LUZP2: variants seen among roughly 807,000 people sequenced by gnomAD.
The protein encoded by LUZP2 is leucine zipper protein 2.
In LUZP2, 52 loss-of-function variants were observed where a neutral mutation model predicts 51.6. The ratio of observed to expected loss-of-function variants is 1.01; its 90% CI spans 0.81 to 1.27. The LOEUF is 1.27. Among genes scored for constraint, LUZP2 ranks in the 50% most tolerant of loss-of-function variants. LUZP2 has a pLI of 0.00. For synonymous variants in LUZP2, 154 were observed against 137.3 expected, an observed-to-expected ratio of 1.12 and a Z score of -0.85; for missense variants, 436 against 395.4, an observed-to-expected ratio of 1.10 and a Z score of -0.87.
At chr11:24,723,419 A>G (rs1413210954) in intron 1 of LUZP2, among the ~76,000 whole-genome samples, 1 of 152,260 alleles carries the variant, frequency 6.6e-6, no homozygotes, top group Admixed American at 6.5e-5. Context: ...CATATGAAAT[A>G]TTCATTGCAG....
At chr11:25,056,698 G>C (rs1172140888) in intron 10 of LUZP2, among the ~76,000 whole-genome samples, 1 of 152,144 alleles carries the variant, frequency 6.6e-6, no homozygotes, top group Non-Finnish European at 1.5e-5. Context: ...TTATGCTCAA[G>C]ATCCATTCCC....
intron 11 of LUZP2, 100 bp from the exon 12 acceptor site, chr11:25,078,454 A>G: frequency 1.2e-6 from 1 of 824,576 alleles, no homozygotes; most frequent in Non-Finnish European, 1.9e-6. Flanking sequence ...ATTTGTTGAG[A>G]TCTTTGAATT....
intron 5 of LUZP2, among the ~76,000 whole-genome samples, chr11:24,857,575 T>TC (rs1232458920): frequency 6.7e-6 from 1 of 149,130 alleles, no homozygotes; most frequent in Non-Finnish European, 1.5e-5. Flanking sequence ...TTTTTTTTTT[T>TC]ATCTTTAGGA....
intron 1 of LUZP2, among the ~76,000 whole-genome samples, chr11:24,712,007 A>C (rs2631441): frequency 0.15 from 22,404 of 152,154 alleles, 3,085 homozygotes; most frequent in African/African-American, 0.35. Flanking sequence ...TGTATTATTT[A>C]ACCTTAGTAT....
chr11:24,894,772 T>C (rs1196910837), intron 5 of LUZP2, among the ~76,000 whole-genome samples: 1 of 152,196 alleles, frequency 6.6e-6, no homozygotes, highest in Non-Finnish European at 1.5e-5. Context: ...AATCTTTCCA[T>C]TTAAAACAAA....
chr11:24,829,138 T>G (rs150082472), intron 5 of LUZP2, among the ~76,000 whole-genome samples: 1 of 152,288 alleles, frequency 6.6e-6, no homozygotes, highest in African/African-American at 2.4e-5. Context: ...AGGAAGCAGA[T>G]AAGCCTGAAT....
intron 1 of LUZP2, among the ~76,000 whole-genome samples, chr11:24,608,931 T>C (rs1417466130): frequency 1.3e-5 from 2 of 152,164 alleles, no homozygotes; most frequent in Non-Finnish European, 2.9e-5. Context: ...TGGGTTTAGA[T>C]ATCTAGTGGT....
intron 1 of LUZP2, among the ~76,000 whole-genome samples, chr11:24,534,659 TAG>T (rs529434492): frequency 7.1e-4 from 107 of 151,500 alleles, no homozygotes; most frequent in African/African-American, 2.6e-3. Flanking sequence ...GTAGTAAAAA[TAG>T]AGATTCCACC....
intron 1 of LUZP2, among the ~76,000 whole-genome samples, chr11:24,704,233 A>C (rs1469900007): frequency 6.6e-6 from 1 of 152,172 alleles, no homozygotes; most frequent in Non-Finnish European, 1.5e-5. Flanking sequence ...TGAAATGGTC[A>C]TTTTTGGACA....
At chr11:24,837,451 A>G (rs1340300402) in intron 5 of LUZP2, among the ~76,000 whole-genome samples, 1 of 151,900 alleles carries the variant, frequency 6.6e-6, no homozygotes, top group East Asian at 1.9e-4. Context: ...TTAACTAAAA[A>G]GATTCAGAAT....
At chr11:24,650,456 C>T (rs898763229) in intron 1 of LUZP2, among the ~76,000 whole-genome samples, 5 of 151,852 alleles carry the variant, frequency 3.3e-5, no homozygotes, top group African/African-American at 1.2e-4. Context: ...ATAAAGTGGG[C>T]AACTATTTTG....
chr11:24,786,592 AT>A (rs1849251548), intron 5 of LUZP2: 1 of 238,758 alleles, frequency 4.2e-6, no homozygotes, highest in Non-Finnish European at 6.4e-6. Flanking sequence ...ATATATTTGC[AT>A]TATATTATAT....
intron 5 of LUZP2, among the ~76,000 whole-genome samples, chr11:24,880,782 G>A (rs1852437948): frequency 6.6e-6 from 1 of 152,006 alleles, no homozygotes; most frequent in Non-Finnish European, 1.5e-5. Flanking sequence ...GTATGTGTGT[G>A]TTTGTGTTTT....
chr11:24,882,940 G>A (rs541725365), intron 5 of LUZP2, among the ~76,000 whole-genome samples: 314 of 144,404 alleles, frequency 2.2e-3, no homozygotes, highest in African/African-American at 7.9e-3. Flanking sequence ...AAGAAAGAAA[G>A]AGAAAGAAAG....
intron 1 of LUZP2, among the ~76,000 whole-genome samples, chr11:24,556,144 C>T (rs1385116215): frequency 6.6e-6 from 1 of 152,136 alleles, no homozygotes; most frequent in Non-Finnish European, 1.5e-5. Flanking sequence ...GTGGCATCAC[C>T]TAAATACTAA....
chr11:24,729,704 A>G (rs1478432732), intron 2 of LUZP2, among the ~76,000 whole-genome samples: 1 of 152,002 alleles, frequency 6.6e-6, no homozygotes, highest in Non-Finnish European at 1.5e-5. Flanking sequence ...TTTAAAAGGC[A>G]AGTGGCATCT....
At chr11:24,977,890 A>ATT (rs921871816) in intron 8 of LUZP2, among the ~76,000 whole-genome samples, 1 of 148,890 alleles carries the variant, frequency 6.7e-6, no homozygotes, top group South Asian at 2.1e-4. Context: ...ATTGTTTTTA[A>ATT]TTTTTTTTTT....
At chr11:24,579,248 A>G (rs572013942) in intron 1 of LUZP2, among the ~76,000 whole-genome samples, 8 of 152,226 alleles carry the variant, frequency 5.3e-5, no homozygotes, top group Non-Finnish European at 8.8e-5. Flanking sequence ...CCCACAATGT[A>G]TTTGCAATTA....
In LUZP2 at chr11:25,050,080, G is replaced by A; in HGVS notation, c.808G>A (p.Glu270Lys). Residue 270 changes from glutamate to lysine, a missense_variant, in exon 10 of 12, where the codon GAG (glutamate) becomes AAG (lysine). By Grantham distance (56) the Glu-to-Lys change is moderately conservative. Transcript: ENST00000336930. ...TGGAAACAATGAGAGCTCTCAAGTT[G>A]AGTCAACAAAGGAAGGAAATCCAAG... ...ASGNNESSQVESTKEGNPSTT... is the reference protein window; with the variant it reads ...ASGNNESSQVKSTKEGNPSTT... The A allele has an allele frequency of 6.3e-7, 1 of 1,599,052 alleles. No homozygotes were observed. The highest frequency in any genetic ancestry group is 8.5e-7 in the Non-Finnish European group (1 of 1,172,458).
Sources: gnomAD v4.1 joint callset for allele counts (sites outside exome capture counted in the v4.1 genomes callset) on GRCh38, gnomAD v4.1.1 for gene constraint, MANE v1.5 for transcripts, NCBI Gene and HGNC (gene_info 2026-07-23, HGNC 2026-07-21) for gene names.